Variants in GAREM1 observed in about 807,000 individuals in gnomAD.
The protein encoded by GAREM1 is GRB2-associated and regulator of MAPK protein 1.
Under a neutral mutation model 71.3 loss-of-function variants are expected in GAREM1, and 26 were observed. That is an observed-to-expected ratio of 0.36 (90% CI 0.27 to 0.51). GAREM1 has a LOEUF of 0.51. Among genes scored for constraint, GAREM1 ranks in the 20% least tolerant of loss-of-function variants. The pLI, the probability that GAREM1 is intolerant of heterozygous loss-of-function variation, is 0.95. For missense variants in GAREM1, 1,026 were observed against 1,103.1 expected, an observed-to-expected ratio of 0.93 and a Z score of 0.99; for synonymous variants, 440 against 433.2, an observed-to-expected ratio of 1.02 and a Z score of -0.20.
intron 2 of GAREM1, among the ~76,000 whole-genome samples, chr18:32,336,633 G>A (rs546668755): frequency 3.3e-5 from 5 of 152,124 alleles, no homozygotes; most frequent in Non-Finnish European, 5.9e-5. Context: ...TGCATATAGC[G>A]AGGCTGGGCA....
intron 1 of GAREM1, among the ~76,000 whole-genome samples, chr18:32,414,059 C>T (rs966006786): frequency 2.0e-5 from 3 of 152,000 alleles, no homozygotes; most frequent in Non-Finnish European, 4.4e-5. Flanking sequence ...GTATTGTACA[C>T]ACATATACTT....
At chr18:32,409,043 G>C (rs571061504) in intron 1 of GAREM1, among the ~76,000 whole-genome samples, 1 of 152,074 alleles carries the variant, frequency 6.6e-6, no homozygotes, top group African/African-American at 2.4e-5. Flanking sequence ...CGTACACCAC[G>C]AAACAAGCAG....
At chr18:32,462,460 ATTAT>A (rs1436439342) in intron 1 of GAREM1, among the ~76,000 whole-genome samples, 1 of 151,948 alleles carries the variant, frequency 6.6e-6, no homozygotes, top group Non-Finnish European at 1.5e-5. Context: ...TTTAAATAGG[ATTAT>A]TTGTCTTTTT....
At chr18:32,349,411 T>C (rs924400839) in intron 2 of GAREM1, among the ~76,000 whole-genome samples, 3 of 152,216 alleles carry the variant, frequency 2.0e-5, no homozygotes, top group Non-Finnish European at 4.4e-5. Context: ...AAATCATTTA[T>C]TAAATAATTA....
intron 1 of GAREM1, among the ~76,000 whole-genome samples, chr18:32,431,740 A>G (rs1439469802): frequency 1.3e-5 from 2 of 152,248 alleles, no homozygotes; most frequent in Non-Finnish European, 2.9e-5. Context: ...GTGAGCTTAA[A>G]GAAATCCATG....
intron 2 of GAREM1, among the ~76,000 whole-genome samples, chr18:32,381,904 C>A (rs1038734627): frequency 2.0e-5 from 3 of 152,176 alleles, no homozygotes; most frequent in Non-Finnish European, 2.9e-5. Flanking sequence ...ACCTCGTTCA[C>A]CTGAAGGCCT....
At chr18:32,376,778 C>T (rs1472080246) in intron 2 of GAREM1, among the ~76,000 whole-genome samples, 1 of 152,168 alleles carries the variant, frequency 6.6e-6, no homozygotes, top group Admixed American at 6.5e-5. Flanking sequence ...GCGGAGGCTG[C>T]AATGAGCCGA....
chr18:32,460,292 C>A (rs1450209977), intron 1 of GAREM1, among the ~76,000 whole-genome samples: 1 of 152,138 alleles, frequency 6.6e-6, no homozygotes, highest in Non-Finnish European at 1.5e-5. Flanking sequence ...TAACAATTTA[C>A]TGTATATGTT....
chr18:32,401,879 C>T (rs2048319132), intron 1 of GAREM1, among the ~76,000 whole-genome samples: 1 of 152,140 alleles, frequency 6.6e-6, no homozygotes, highest in Non-Finnish European at 1.5e-5. Context: ...AATGTTAAGT[C>T]CTACTGCTAG....
Position 32,453,872 on chromosome 18 carries a change from C to A in GAREM1, c.121+16436G>T, listed in dbSNP as rs115267118. ...TAAACAAGGCTCTATTGAACACCTA[C>A]ATGTTACCAAGGTAACACAGTTTGG... is the stretch of plus-strand genomic sequence containing the variant. On this transcript the variant is annotated intron_variant, in intron 1 of 5. Transcript: ENST00000269209. Among the ~76,000 whole-genome samples, 369 of 152,120 alleles carry A rather than the reference C, an allele frequency of 2.4e-3. 3 individuals are homozygous for A. Among genetic ancestry groups the A allele is most frequent in the African/African-American group, 8.5e-3 (353 of 41,498 alleles).
chr18:32,420,966 T>A (rs2048514838), intron 1 of GAREM1, among the ~76,000 whole-genome samples: 1 of 152,170 alleles, frequency 6.6e-6, no homozygotes, highest in South Asian at 2.1e-4. Flanking sequence ...CTATTTAGAG[T>A]AACATTTATA....
Position 32,367,678 on chromosome 18 carries a change from T to A in GAREM1, c.262+25217A>T, listed in dbSNP as rs1018804819. ...TTCCAAACTGGCCACTCGCTTAGGT[T>A]TTAGGGATACAAGGATGGCAGACAC... On this transcript the variant is annotated intron_variant, in intron 2 of 5. Transcript: ENST00000269209. Among the ~76,000 whole-genome samples, 8 of 152,140 alleles carry A rather than the reference T, an allele frequency of 5.3e-5. 1 individual carries two copies. Among genetic ancestry groups the A allele is most frequent in the Non-Finnish European group, 1.0e-4 (7 of 68,032 alleles).
chr18:32,331,554 C>A (rs769492406), intron 2 of GAREM1: 1 of 152,164 alleles, frequency 6.6e-6, no homozygotes, highest in Non-Finnish European at 1.5e-5. Flanking sequence ...GTCACATACA[C>A]TAGTAGTTTT....
chr18:32,289,963 T>C (rs1027171831), intron 3 of GAREM1, among the ~76,000 whole-genome samples: 21 of 151,874 alleles, frequency 1.4e-4, no homozygotes, highest in Non-Finnish European at 2.6e-4. Flanking sequence ...GTATTTACTC[T>C]GGTGGCTTAT....
chr18:32,317,396 A>G (rs1357340458), intron 2 of GAREM1, among the ~76,000 whole-genome samples: 1 of 149,800 alleles, frequency 6.7e-6, no homozygotes, highest in Non-Finnish European at 1.5e-5. Flanking sequence ...TCTGTCACAA[A>G]AAAAAAAAAA....
chr18:32,297,192 G>C lies in GAREM1; in HGVS notation c.394-8989C>G, dbSNP rs143663581. On this transcript the variant is annotated intron_variant, in intron 3 of 5. Transcript: ENST00000269209. Reference sequence around the variant, plus strand: ...CTTACAGTAAAGGTTTACTGATACTGGGTATAGATGGATGAAAAGAACCAT... The same window carrying C: ...CTTACAGTAAAGGTTTACTGATACTCGGTATAGATGGATGAAAAGAACCAT... 5.9e-3 allele frequency among the ~76,000 whole-genome samples: 894 copies of C among 152,278 alleles called. 7 individuals carry two copies. Among genetic ancestry groups the C allele is most frequent in the African/African-American group, 0.021 (856 of 41,546 alleles).
At chr18:32,318,400 T>C (rs2047399953) in intron 2 of GAREM1, among the ~76,000 whole-genome samples, 1 of 152,196 alleles carries the variant, frequency 6.6e-6, no homozygotes, top group Non-Finnish European at 1.5e-5. Context: ...ATCATCTGTA[T>C]GGGGCTGAAG....
chr18:32,329,508 C>T (rs142514839), intron 2 of GAREM1, among the ~76,000 whole-genome samples: 3,794 of 151,762 alleles, frequency 0.025, 105 homozygotes, highest in East Asian at 0.092. Flanking sequence ...GAGTTCAAGA[C>T]CAGCCTGGCC....
chr18:32,332,192 A>C (rs2047542476), intron 2 of GAREM1, among the ~76,000 whole-genome samples: 1 of 151,796 alleles, frequency 6.6e-6, no homozygotes, highest in South Asian at 2.1e-4. Context: ...GGAGTGAGAA[A>C]TACATGGCTT....
Sources: allele counts gnomAD v4.1 joint callset (sites outside exome capture counted in the v4.1 genomes callset), GRCh38; gene constraint gnomAD v4.1.1; transcripts MANE v1.5; gene names NCBI Gene and HGNC (gene_info 2026-07-23, HGNC 2026-07-21).